SPAG6: variants seen among roughly 807,000 people sequenced by gnomAD.
The protein encoded by SPAG6 is sperm associated antigen 6, also known as sperm-associated antigen 6.
SPAG6 carries 49 observed loss-of-function variants against 58.5 expected under a neutral mutation model. The ratio of observed to expected loss-of-function variants is 0.84; its 90% CI spans 0.67 to 1.06. The LOEUF (loss-of-function observed/expected upper bound fraction) is 1.06, where lower values mean the gene tolerates loss of function less well. Ranked by LOEUF, SPAG6 falls within the 50% of genes least tolerant of loss-of-function variation. The pLI is 0.00. For synonymous variants in SPAG6, 233 were observed against 225.6 expected, an observed-to-expected ratio of 1.03 and a Z score of -0.29; for missense variants, 560 against 611.3, an observed-to-expected ratio of 0.92 and a Z score of 0.89.
chr10:22,365,409 G>A (rs1837168300), intron 3 of SPAG6, among the ~76,000 whole-genome samples: 1 of 152,122 alleles, frequency 6.6e-6, no homozygotes, highest in African/African-American at 2.4e-5. Flanking sequence ...CAGCCTTGAG[G>A]CAAGGGGTAG....
intron 2 of SPAG6, among the ~76,000 whole-genome samples, chr10:22,355,022 G>A (rs950909829): frequency 1.7e-4 from 25 of 151,200 alleles, no homozygotes; most frequent in African/African-American, 5.8e-4. Flanking sequence ...TCAGACAGTT[G>A]CACTAGAAAA....
chr10:22,374,602 TAA>T (rs764220934), intron 4 of SPAG6, among the ~76,000 whole-genome samples: 52 of 97,110 alleles, frequency 5.4e-4, no homozygotes, highest in Admixed American at 1.1e-3. Context: ...ACCCTGTATG[TAA>T]AAAAAAAAAA....
intron 8 of SPAG6, among the ~76,000 whole-genome samples, chr10:22,399,284 G>A (rs1834360015): frequency 6.6e-6 from 1 of 152,128 alleles, no homozygotes; most frequent in African/African-American, 2.4e-5. Context: ...GAAGCCTCAT[G>A]CCCATTTGTA....
chr10:22,408,101 G>C (rs1834607575), intron 9 of SPAG6, among the ~76,000 whole-genome samples: 1 of 140,870 alleles, frequency 7.1e-6, no homozygotes, highest in South Asian at 2.3e-4. Flanking sequence ...CCGTAGCTCA[G>C]AGTAATTTGA....
chr10:22,416,772 G>A lies in SPAG6; in HGVS notation c.*84G>A. On this transcript the variant is annotated 3_prime_UTR_variant, in exon 11 of 11. Transcript: ENST00000376624. ...AAATCCTTCTAAATATTTGAACTAA[G>A]TATATTCTAGATTTATTTAATGGGA... 1 of 744,334 alleles carries A rather than the reference G, an allele frequency of 1.3e-6. No individual in the cohort carries two copies. Among genetic ancestry groups the A allele is most frequent in the Admixed American group, 2.0e-5 (1 of 51,126 alleles). The allele number at this position is 744,334 out of a possible 1,614,324, so 46.1% of individuals were successfully genotyped here.
At chr10:22,392,124 G>T (rs888422258) in intron 8 of SPAG6, among the ~76,000 whole-genome samples, 1 of 152,156 alleles carries the variant, frequency 6.6e-6, no homozygotes. Context: ...CTCTATGGGT[G>T]CAAAGTTGTT....
At chr10:22,400,537 G>A (rs1287005361) in intron 8 of SPAG6, among the ~76,000 whole-genome samples, 1 of 151,474 alleles carries the variant, frequency 6.6e-6, no homozygotes, top group African/African-American at 2.4e-5. Context: ...CATATGGTAC[G>A]TATTCTTCTG....
intron 9 of SPAG6, among the ~76,000 whole-genome samples, chr10:22,404,775 A>G (rs1834508733): frequency 6.6e-6 from 1 of 150,638 alleles, no homozygotes; most frequent in Non-Finnish European, 1.5e-5. Flanking sequence ...TGAGCATGGA[A>G]TGTTCTTCCA....
In SPAG6 at chr10:22,387,806, T is replaced by C; in HGVS notation, c.679-17T>C. ...TATATAGTGTTTTGTTGTTGTTGTT[T>C]TTTTTTTGCTTCACAGCATCAGATC... On this transcript the variant is annotated splice_polypyrimidine_tract_variant and intron_variant, in intron 5 of 10. Transcript: ENST00000376624. 6.3e-7 allele frequency: 1 copy of C among 1,591,934 alleles called. No homozygotes were observed. The highest frequency in any genetic ancestry group is 8.5e-7 in the Non-Finnish European group (1 of 1,173,576).
intron 2 of SPAG6, among the ~76,000 whole-genome samples, chr10:22,349,473 G>A (rs1305877342): frequency 6.6e-6 from 1 of 152,158 alleles, no homozygotes; most frequent in Non-Finnish European, 1.5e-5. Context: ...AATTGGAGGT[G>A]TTTTGTTAGT....
intron 8 of SPAG6, among the ~76,000 whole-genome samples, chr10:22,400,141 A>G (rs796253031): frequency 2.6e-5 from 4 of 152,250 alleles, no homozygotes; most frequent in African/African-American, 9.6e-5. Context: ...GAAAATCACA[A>G]TGCTCCTTGA....
At chr10:22,363,573 T>C (rs979246393) in intron 2 of SPAG6, among the ~76,000 whole-genome samples, 3 of 152,184 alleles carry the variant, frequency 2.0e-5, no homozygotes, top group Non-Finnish European at 4.4e-5. Context: ...GGAAAATCCA[T>C]AGGTCACATC....
chr10:22,356,008 G>A (rs1242127455), intron 2 of SPAG6, among the ~76,000 whole-genome samples: 1 of 152,216 alleles, frequency 6.6e-6, no homozygotes, highest in Admixed American at 6.5e-5. Flanking sequence ...AGGATGATAA[G>A]TATAATTAGA....
intron 2 of SPAG6, among the ~76,000 whole-genome samples, chr10:22,353,680 G>A (rs974712507): frequency 1.3e-5 from 2 of 152,098 alleles, no homozygotes; most frequent in Non-Finnish European, 2.9e-5. Flanking sequence ...GTTTAGATGC[G>A]GACCATGCAA....
chr10:22,363,407 G>T (rs1303050515), intron 2 of SPAG6, among the ~76,000 whole-genome samples: 1 of 152,206 alleles, frequency 6.6e-6, no homozygotes, highest in East Asian at 1.9e-4. Context: ...CACTGGATTT[G>T]TTGAACATGA....
chr10:22,372,229 C>A (rs1249307935), intron 4 of SPAG6, among the ~76,000 whole-genome samples: 3 of 152,092 alleles, frequency 2.0e-5, no homozygotes, highest in Non-Finnish European at 4.4e-5. Flanking sequence ...ACCATGCCCG[C>A]TTTATAAATT....
chr10:22,390,279 G>T (rs1414042982), intron 7 of SPAG6, among the ~76,000 whole-genome samples: 1 of 152,112 alleles, frequency 6.6e-6, no homozygotes, highest in Non-Finnish European at 1.5e-5. Flanking sequence ...TTGATCCTTG[G>T]TTCTTTTGTG....
chr10:22,411,532 A>G (rs1219775828), intron 10 of SPAG6: 2 of 160,722 alleles, frequency 1.2e-5, no homozygotes, highest in African/African-American at 2.4e-5. Context: ...GCATATTACT[A>G]TTCTACCTTA....
At position 22,404,518 on chromosome 10, in the gene SPAG6, A is replaced by G. The variant is rs1218376021; in HGVS notation, c.1314+3241A>G. Among the ~76,000 whole-genome samples, 3 of 79,960 alleles carry G rather than the reference A, an allele frequency of 3.8e-5. No individual in the cohort carries two copies. In the East Asian group the frequency reaches 8.8e-4, roughly 23 times the overall value. The allele number at this position is 79,960 out of a possible 152,430, so 52.5% of individuals were successfully genotyped here. The stretch of plus-strand genomic sequence containing the variant: ...ATATCTCTGTTTTGGTACCAGTACC[A>G]TGCTGTTTTGGTTACTGTAGCCTTG... On this transcript the variant is annotated intron_variant, in intron 9 of 10. Transcript: ENST00000376624.
Sources: allele counts gnomAD v4.1 joint callset (sites outside exome capture counted in the v4.1 genomes callset), GRCh38; gene constraint gnomAD v4.1.1; transcripts MANE v1.5; gene names NCBI Gene and HGNC (gene_info 2026-07-23, HGNC 2026-07-21).